Variants in PARVA observed in about 807,000 individuals in gnomAD.
PARVA encodes the protein alpha-parvin.
A neutral mutation model predicts 52.6 loss-of-function variants in PARVA; 25 were observed. The observed-to-expected ratio is 0.48, with a 90% confidence interval of 0.35 to 0.66. The LOEUF is 0.66. Among genes scored for constraint, PARVA ranks in the 30% least tolerant of loss-of-function variants. The pLI is 0.01. For missense variants in PARVA, 373 were observed against 450.9 expected (o/e 0.83, Z 1.56); for synonymous variants, 185 against 179.1 (o/e 1.03, Z -0.26).
chr11:12,400,749 G>A lies in PARVA; in HGVS notation c.136+22966G>A, dbSNP rs143953359. On this transcript the variant is annotated intron_variant, in intron 1 of 12. Transcript: ENST00000334956. ...ATTAATTAATTTTTGCAACTGTTTT[G>A]CATCCAGTGGAATTTCTGACATATT... Among the ~76,000 whole-genome samples the A allele has an allele frequency of 4.4e-3, 671 of 152,130 alleles. 4 individuals carry two copies. Among genetic ancestry groups the A allele is most frequent in the African/African-American group, 0.016 (647 of 41,468 alleles).
chr11:12,417,429 G>C (rs2896611), intron 1 of PARVA, among the ~76,000 whole-genome samples: 9 of 152,190 alleles, frequency 5.9e-5, no homozygotes, highest in African/African-American at 1.9e-4. Context: ...ATTTGTAAGG[G>C]TATATATGTA....
At chr11:12,406,708 T>C (rs916980915) in intron 1 of PARVA, among the ~76,000 whole-genome samples, 1 of 145,154 alleles carries the variant, frequency 6.9e-6, no homozygotes, top group Non-Finnish European at 1.5e-5. Flanking sequence ...TCTTGCTCTG[T>C]TGCCCAGGCT....
At chr11:12,392,121 A>T (rs1249332146) in intron 1 of PARVA, among the ~76,000 whole-genome samples, 2 of 151,972 alleles carry the variant, frequency 1.3e-5, no homozygotes, top group Non-Finnish European at 2.9e-5. Flanking sequence ...ATATTATTAT[A>T]ATAATGGAAT....
At chr11:12,477,629 T>A (rs1941032601) in intron 3 of PARVA, among the ~76,000 whole-genome samples, 1 of 152,164 alleles carries the variant, frequency 6.6e-6, no homozygotes, top group Non-Finnish European at 1.5e-5. Flanking sequence ...ACTCCCATAG[T>A]CTCAGCTATG....
intron 1 of PARVA, among the ~76,000 whole-genome samples, chr11:12,447,445 G>T (rs573331717): frequency 6.6e-6 from 1 of 152,172 alleles, no homozygotes; most frequent in Non-Finnish European, 1.5e-5. Context: ...GGACCAGAGC[G>T]CCTTGCCGAG....
In PARVA at chr11:12,533,063, C is replaced by T. The variant is rs1941791727; in HGVS notation, c.*5138C>T. Among the ~76,000 whole-genome samples, 1 of 152,160 alleles carries T rather than the reference C, an allele frequency of 6.6e-6. No individual in the cohort carries two copies. The highest frequency in any genetic ancestry group is 6.5e-5 in the Admixed American group (1 of 15,284). On this transcript the variant is annotated 3_prime_UTR_variant, in exon 13 of 13. Transcript: ENST00000334956. ...GATCAGACCTCTGCCCACCCCAACA[C>T]CAATCTGGTCTTAGCAACCTCTGGG...
chr11:12,393,495 T>C (rs1172710811), intron 1 of PARVA, among the ~76,000 whole-genome samples: 3 of 152,194 alleles, frequency 2.0e-5, no homozygotes, highest in Non-Finnish European at 4.4e-5. Context: ...TGTTTTTGAT[T>C]GAGTTGTCTT....
At chr11:12,474,034 TCCATATG>T (rs1490752269) in intron 3 of PARVA, 51 bp downstream of exon 3, 2 of 1,393,834 alleles carry the variant, frequency 1.4e-6, no homozygotes, top group African/African-American at 1.4e-5. Context: ...CCACCATGTG[TCCATATG>T]CCACCTGCTC....
chr11:12,520,728 C>T (rs1027411947), intron 12 of PARVA, among the ~76,000 whole-genome samples: 5 of 152,154 alleles, frequency 3.3e-5, no homozygotes, highest in East Asian at 1.9e-4. Context: ...GGTGGGCAGA[C>T]GGCTTGAGCT....
chr11:12,414,165 C>G (rs1486774470), intron 1 of PARVA, among the ~76,000 whole-genome samples: 1 of 152,174 alleles, frequency 6.6e-6, no homozygotes, highest in Non-Finnish European at 1.5e-5. Context: ...CAACTTCATC[C>G]CAAAAGAGGA....
intron 1 of PARVA, among the ~76,000 whole-genome samples, chr11:12,434,795 C>T (rs1940364942): frequency 6.6e-6 from 1 of 152,154 alleles, no homozygotes; most frequent in South Asian, 2.1e-4. Context: ...CCCTTTTGTT[C>T]TTACTGCTCA....
At chr11:12,419,920 CTT>C (rs1296189566) in intron 1 of PARVA, among the ~76,000 whole-genome samples, 1 of 152,136 alleles carries the variant, frequency 6.6e-6, no homozygotes, top group Non-Finnish European at 1.5e-5. Context: ...GGCGGAAACA[CTT>C]TTAAGATTCA....
At chr11:12,466,412 T>C (rs1005134594) in intron 1 of PARVA, among the ~76,000 whole-genome samples, 4 of 151,346 alleles carry the variant, frequency 2.6e-5, no homozygotes, top group African/African-American at 9.7e-5. Context: ...GTTCAAGCAA[T>C]TCTTCTGTCT....
At chr11:12,397,273 T>C (rs748117323) in intron 1 of PARVA, among the ~76,000 whole-genome samples, 5 of 152,232 alleles carry the variant, frequency 3.3e-5, no homozygotes, top group Non-Finnish European at 7.3e-5. Context: ...ATATTGCCTA[T>C]GCTGGACTTG....
At chr11:12,440,797 C>A (rs1006336052) in intron 1 of PARVA, among the ~76,000 whole-genome samples, 15 of 152,378 alleles carry the variant, frequency 9.8e-5, no homozygotes, top group Middle Eastern at 3.4e-3. Flanking sequence ...ATGTCAGCAA[C>A]AGAGAATCAC....
intron 1 of PARVA, among the ~76,000 whole-genome samples, chr11:12,406,343 T>C (rs763593312): frequency 5.9e-5 from 9 of 152,240 alleles, no homozygotes; most frequent in Non-Finnish European, 8.8e-5. Flanking sequence ...GATAACCTCA[T>C]TTACTTAAAG....
chr11:12,378,172 G>A (rs534995636), intron 1 of PARVA, among the ~76,000 whole-genome samples: 1 of 152,214 alleles, frequency 6.6e-6, no homozygotes, highest in East Asian at 1.9e-4. Context: ...CTCTGCGCCC[G>A]AAGGCTGGCA....
At chr11:12,449,699 T>A (rs2135012948) in intron 1 of PARVA, among the ~76,000 whole-genome samples, 1 of 152,334 alleles carries the variant, frequency 6.6e-6, no homozygotes, top group South Asian at 2.1e-4. Flanking sequence ...AAGCAATGTC[T>A]GGAGATATTT....
intron 1 of PARVA, among the ~76,000 whole-genome samples, chr11:12,378,002 G>C (rs1366082005): frequency 1.3e-5 from 2 of 148,520 alleles, no homozygotes; most frequent in African/African-American, 4.9e-5. Flanking sequence ...CACCCCGCCC[G>C]CTCGCGGTCG....
Sources: allele counts gnomAD v4.1 joint callset (sites outside exome capture counted in the v4.1 genomes callset), GRCh38; gene constraint gnomAD v4.1.1; transcripts MANE v1.5; gene names NCBI Gene and HGNC (gene_info 2026-07-23, HGNC 2026-07-21).